SNX2: variants seen among roughly 807,000 people sequenced by gnomAD.
SNX2 encodes the protein sorting nexin 2, also known as sorting nexin-2.
Under a neutral mutation model 69.9 loss-of-function variants are expected in SNX2, and 25 were observed. That is an observed-to-expected ratio of 0.36 (90% CI 0.26 to 0.50). The LOEUF (loss-of-function observed/expected upper bound fraction) is 0.50. SNX2 is among the 20% of genes least tolerant of loss of function. The pLI is 0.97. For synonymous variants in SNX2, 229 were observed against 200.4 expected (o/e 1.14, Z -1.20); for missense variants, 551 against 613.3 (o/e 0.90, Z 1.07).
intron 1 of SNX2, among the ~76,000 whole-genome samples, chr5:122,786,976 A>G (rs944494485): frequency 6.6e-6 from 1 of 152,152 alleles, no homozygotes; most frequent in African/African-American, 2.4e-5. Flanking sequence ...AGGAATATTC[A>G]TTTATTAAGA....
At chr5:122,821,668 G>C (rs1754028676) in intron 11 of SNX2, among the ~76,000 whole-genome samples, 1 of 152,118 alleles carries the variant, frequency 6.6e-6, no homozygotes. Flanking sequence ...TGTTAGCCAG[G>C]ATGGTCTTGA....
At chr5:122,814,091 T>C (rs909023962) in intron 7 of SNX2, among the ~76,000 whole-genome samples, 4 of 152,176 alleles carry the variant, frequency 2.6e-5, no homozygotes, top group Non-Finnish European at 5.9e-5. Context: ...AAGTACTAGA[T>C]GTTTTGTCCT....
At chr5:122,787,346 C>T (rs1034441030) in intron 1 of SNX2, among the ~76,000 whole-genome samples, 7 of 152,068 alleles carry the variant, frequency 4.6e-5, no homozygotes, top group African/African-American at 1.7e-4. Context: ...ATGGTGAAGC[C>T]CTGTCTCTAC....
intron 7 of SNX2, among the ~76,000 whole-genome samples, chr5:122,814,439 C>A (rs765297937): frequency 1.8e-4 from 27 of 152,092 alleles, no homozygotes; most frequent in Non-Finnish European, 3.4e-4. Context: ...ATAATGACTT[C>A]TTATGTGGGC....
chr5:122,820,777 T>A (rs749079905), intron 11 of SNX2, among the ~76,000 whole-genome samples: 1 of 152,232 alleles, frequency 6.6e-6, no homozygotes, highest in South Asian at 2.1e-4. Context: ...TGGGAAGTTA[T>A]GTATATAGTA....
At chr5:122,805,723 C>T (rs1272230894) in intron 6 of SNX2, among the ~76,000 whole-genome samples, 2 of 152,134 alleles carry the variant, frequency 1.3e-5, no homozygotes, top group East Asian at 3.9e-4. Context: ...GTTGAAATTA[C>T]AGGCATGAGT....
intron 1 of SNX2, among the ~76,000 whole-genome samples, chr5:122,781,134 G>T (rs1266543623): frequency 6.6e-6 from 1 of 152,126 alleles, no homozygotes; most frequent in Admixed American, 6.6e-5. Flanking sequence ...TTATGAAGTT[G>T]CTTGCGACAG....
chr5:122,822,704 G>T (rs1754051663), intron 11 of SNX2, among the ~76,000 whole-genome samples: 1 of 152,126 alleles, frequency 6.6e-6, no homozygotes, highest in Admixed American at 6.5e-5. Flanking sequence ...CTGCAATTTA[G>T]AACTATAAGA....
chr5:122,801,397 G>T (rs1379991275), intron 3 of SNX2, among the ~76,000 whole-genome samples: 1 of 152,072 alleles, frequency 6.6e-6, no homozygotes, highest in Non-Finnish European at 1.5e-5. Flanking sequence ...CTGAGGTCAG[G>T]AGTTCAAAAC....
At chr5:122,779,735 A>G (rs1215509794) in intron 1 of SNX2, among the ~76,000 whole-genome samples, 1 of 152,074 alleles carries the variant, frequency 6.6e-6, no homozygotes, top group African/African-American at 2.4e-5. Context: ...TTTTTTAAAA[A>G]ATTATTTTAT....
At chr5:122,823,906 T>C (rs1032312766) in intron 11 of SNX2, among the ~76,000 whole-genome samples, 1 of 151,810 alleles carries the variant, frequency 6.6e-6, no homozygotes, top group African/African-American at 2.4e-5. Context: ...TCACAAACTT[T>C]ATTAAAATGT....
At chr5:122,795,524 T>C (rs2150005731) in intron 2 of SNX2, 141 bp downstream of exon 2, 1 of 609,444 alleles carries the variant, frequency 1.6e-6, no homozygotes, top group South Asian at 2.1e-5. Flanking sequence ...ATGGGGAATT[T>C]CCAGTCACAT....
upstream of SNX2, chr5:122,775,072 C>A: frequency 2.6e-6 from 4 of 1,558,630 alleles, no homozygotes; most frequent in Non-Finnish European, 3.5e-6. Flanking sequence ...GTCCGCGAGG[C>A]CCAGCTCGCG....
intron 8 of SNX2, among the ~76,000 whole-genome samples, chr5:122,816,494 A>G (rs1158416189): frequency 6.6e-6 from 1 of 152,156 alleles, no homozygotes; most frequent in East Asian, 1.9e-4. Context: ...TGAGTTGCAG[A>G]ATTTTTAAAA....
chr5:122,798,036 A>G (rs1753423953), intron 2 of SNX2, among the ~76,000 whole-genome samples: 1 of 152,190 alleles, frequency 6.6e-6, no homozygotes, highest in Admixed American at 6.5e-5. Flanking sequence ...CTCTCACAAT[A>G]TTTTGCCTGT....
intron 1 of SNX2, among the ~76,000 whole-genome samples, chr5:122,782,925 T>G (rs550370183): frequency 6.6e-6 from 1 of 152,132 alleles, no homozygotes; most frequent in East Asian, 1.9e-4. Flanking sequence ...TTTTTTGTTT[T>G]GTTTCTTTGT....
chr5:122,829,390 A>G (rs1754229681), intron 14 of SNX2, among the ~76,000 whole-genome samples: 1 of 151,878 alleles, frequency 6.6e-6, no homozygotes, highest in Admixed American at 6.6e-5. Flanking sequence ...TTTTTAGTAG[A>G]GACGGGGTTT....
chr5:122,778,962 G>A (rs933824803), intron 1 of SNX2, among the ~76,000 whole-genome samples: 9 of 152,180 alleles, frequency 5.9e-5, no homozygotes, highest in African/African-American at 2.2e-4. Flanking sequence ...GCAAAAGCCT[G>A]TTCTTCTATG....
At chr5:122,796,491 C>T (rs1753381064) in intron 2 of SNX2, among the ~76,000 whole-genome samples, 1 of 152,128 alleles carries the variant, frequency 6.6e-6, no homozygotes, top group African/African-American at 2.4e-5. Context: ...TTTTAAGCCA[C>T]CTAACAACTT....
Sources: allele counts gnomAD v4.1 joint callset (sites outside exome capture counted in the v4.1 genomes callset), GRCh38; gene constraint gnomAD v4.1.1; transcripts MANE v1.5; gene names NCBI Gene and HGNC (gene_info 2026-07-23, HGNC 2026-07-21).